The following TSHZ2 variants were observed in gnomAD, a reference collection of about 807,000 sequenced individuals.
TSHZ2 encodes the protein teashirt zinc finger homeobox 2, also known as teashirt homolog 2.
Under a neutral mutation model 74.4 loss-of-function variants are expected in TSHZ2, and 21 were observed. That is an observed-to-expected ratio of 0.28 (90% confidence interval 0.20 to 0.41). TSHZ2 has a LOEUF of 0.41. Among genes scored for constraint, TSHZ2 ranks in the 10% least tolerant of loss-of-function variants. The pLI is 1.00. For synonymous variants in TSHZ2, 540 were observed against 515.3 expected, an observed-to-expected ratio of 1.05 and a Z score of -0.65; for missense variants, 1,244 against 1,293.5, an observed-to-expected ratio of 0.96 and a Z score of 0.59.
intron 1 of TSHZ2, among the ~76,000 whole-genome samples, chr20:53,073,178 ATCCC>A (rs1287152265): frequency 3.4e-5 from 4 of 117,786 alleles, no homozygotes; most frequent in Non-Finnish European, 3.6e-5. Flanking sequence ...TCATCCATCT[ATCCC>A]TCCATCCATC....
chr20:53,292,912 A>T (rs1008286114), intron 2 of TSHZ2, among the ~76,000 whole-genome samples: 3 of 152,230 alleles, frequency 2.0e-5, no homozygotes, highest in African/African-American at 7.2e-5. Context: ...AGTCACATGC[A>T]TCTAACACTA....
At position 53,253,652 on chromosome 20, in the gene TSHZ2, G is replaced by A. The variant is rs1232753538; in HGVS notation, c.194G>A (p.Ser65Asn). 6.2e-7 allele frequency: 1 copy of A among 1,614,064 alleles called. No individual in the cohort carries two copies. Among genetic ancestry groups the A allele is most frequent in the Non-Finnish European group, 8.5e-7 (1 of 1,180,052 alleles). ...ETGPEQKGCF[S>N]YQNSPGSHLS... The stretch of plus-strand genomic sequence containing the variant: ...GGCCCAGAGCAAAAAGGCTGCTTCA[G>A]CTACCAGAACTCTCCAGGAAGTCAT... The change falls in exon 2 of 3, where the codon AGC becomes AAC. Residue 65 changes from serine (S) to asparagine (N), a missense_variant. This residue lies in a region of TSHZ2 where 470 missense variants were observed against 456.5 expected (regional missense o/e 1.03). Coordinates refer to ENST00000371497, the MANE Select transcript of TSHZ2 (RefSeq NM_173485.6).
intron 1 of TSHZ2, among the ~76,000 whole-genome samples, chr20:53,129,094 T>C (rs1197964662): frequency 6.6e-6 from 1 of 152,120 alleles, no homozygotes; most frequent in Non-Finnish European, 1.5e-5. Context: ...TAAAATTATA[T>C]CCAGTGAAAC....
At chr20:53,150,698 G>T (rs1568783735) in intron 1 of TSHZ2, among the ~76,000 whole-genome samples, 1 of 151,344 alleles carries the variant, frequency 6.6e-6, no homozygotes. Flanking sequence ...AAGGAAGGAG[G>T]AGAGGAAGGA....
At chr20:53,070,988 T>C (rs1400285612) in intron 1 of TSHZ2, among the ~76,000 whole-genome samples, 1 of 152,192 alleles carries the variant, frequency 6.6e-6, no homozygotes, top group Non-Finnish European at 1.5e-5. Flanking sequence ...TACTATTTGT[T>C]TGAGGGATGG....
At chr20:53,221,702 C>A (rs766371844) in intron 1 of TSHZ2, among the ~76,000 whole-genome samples, 7 of 152,026 alleles carry the variant, frequency 4.6e-5, no homozygotes, top group Admixed American at 2.0e-4. Flanking sequence ...GCTTTTTTTC[C>A]CCTCCTAAAC....
intron 1 of TSHZ2, among the ~76,000 whole-genome samples, chr20:53,235,144 G>T: frequency 7.5e-6 from 1 of 133,190 alleles, no homozygotes; most frequent in Non-Finnish European, 1.6e-5. Context: ...GGGCGGGGGG[G>T]GGGGAATGGG....
In TSHZ2 at chr20:53,365,580, C is replaced by A. The variant is rs151067386; in HGVS notation, c.*8+109009C>A. On this transcript the variant is annotated intron_variant, in intron 2 of 2. Transcript: ENST00000371497. ...GCCGTTTACGCTAAGAGGTGACCAG[C>A]TAGATGCTGGATCCTGACAAAGCAA... Among the ~76,000 whole-genome samples the A allele has an allele frequency of 2.3e-3, 348 of 152,310 alleles. 7 individuals carry two copies. Among genetic ancestry groups the A allele is most frequent in the Non-Finnish European group, 7.6e-4 (52 of 68,020 alleles).
In TSHZ2 at chr20:53,266,868, C is replaced by G. The variant is rs112271166; in HGVS notation, c.*8+10297C>G. 8.6e-3 allele frequency among the ~76,000 whole-genome samples: 1,307 copies of G among 151,630 alleles called. 27 individuals are homozygous for G. Among genetic ancestry groups the G allele is most frequent in the African/African-American group, 0.03 (1,255 of 41,308 alleles). ...TCTCGGCTCACTGCAACCTTCACCT[C>G]CCAGGTTCAAGCAATTCTCCTGCCT... is the stretch of plus-strand genomic sequence containing the variant. On this transcript the variant is annotated intron_variant, in intron 2 of 2. Transcript: ENST00000371497.
chr20:53,174,278 G>T (rs543195034), intron 1 of TSHZ2, among the ~76,000 whole-genome samples: 3 of 152,200 alleles, frequency 2.0e-5, no homozygotes, highest in Admixed American at 6.5e-5. Flanking sequence ...AATCTATGAA[G>T]AATAAAATCA....
intron 1 of TSHZ2, among the ~76,000 whole-genome samples, chr20:53,042,410 A>G (rs1459567815): frequency 6.6e-6 from 1 of 152,200 alleles, no homozygotes; most frequent in Non-Finnish European, 1.5e-5. Flanking sequence ...AAATCACTTC[A>G]GTGTGCTAGG....
rs113188565 is a variant in TSHZ2 at position 53,104,253 on chromosome 20, G to T, written c.40+130920G>T. ...AAGAAAGCAGGCAGACTGGGGGGTG[G>T]GGGGAAGGTGGGAGGGTTGGACTCA... On this transcript the variant is annotated intron_variant, in intron 1 of 2. Transcript: ENST00000371497. 6.5e-3 allele frequency among the ~76,000 whole-genome samples: 987 copies of T among 152,084 alleles called. 6 individuals carry two copies. Among genetic ancestry groups the T allele is most frequent in the Non-Finnish European group, 0.011 (727 of 67,976 alleles).
intron 2 of TSHZ2, among the ~76,000 whole-genome samples, chr20:53,353,119 T>A (rs186845798): frequency 6.6e-6 from 1 of 152,282 alleles, no homozygotes; most frequent in African/African-American, 2.4e-5. Context: ...TTAAAAATCA[T>A]CTATAGTCTC....
chr20:53,114,897 T>C (rs1425846230), intron 1 of TSHZ2, among the ~76,000 whole-genome samples: 2 of 152,164 alleles, frequency 1.3e-5, no homozygotes, highest in African/African-American at 4.8e-5. Context: ...ATGTTTTAAA[T>C]TGTGCCCACC....
At chr20:53,229,321 G>A (rs1989763926) in intron 1 of TSHZ2, among the ~76,000 whole-genome samples, 1 of 152,096 alleles carries the variant, frequency 6.6e-6, no homozygotes, top group African/African-American at 2.4e-5. Context: ...GGGTCACTTA[G>A]TACAACTTTT....
At chr20:53,482,108 TAAAAAAAAAAA>T (rs570413572) in intron 2 of TSHZ2, among the ~76,000 whole-genome samples, 2 of 74,330 alleles carry the variant, frequency 2.7e-5, no homozygotes, top group South Asian at 1.1e-3. Flanking sequence ...CTCCATCTCA[TAAAAAAAAAAA>T]AAAAAAAAAA....
At chr20:53,309,842 C>T (rs1313952765) in intron 2 of TSHZ2, among the ~76,000 whole-genome samples, 1 of 152,140 alleles carries the variant, frequency 6.6e-6, no homozygotes, top group Admixed American at 6.5e-5. Flanking sequence ...CTTTAGTGTG[C>T]TCTGTGTAAC....
chr20:53,156,440 C>T (rs1239501101), intron 1 of TSHZ2, among the ~76,000 whole-genome samples: 1 of 152,188 alleles, frequency 6.6e-6, no homozygotes, highest in East Asian at 1.9e-4. Context: ...CTTTTACATT[C>T]AAGTCACACA....
rs145172538 is a variant in TSHZ2 at position 53,254,105 on chromosome 20, G to A, written c.647G>A (p.Arg216Gln). 173 of 1,614,118 alleles carry A rather than the reference G, an allele frequency of 1.1e-4. 1 individual carries two copies. The African/African-American group carries it at 1.9e-3, about 17-fold the overall frequency. Residue 216 changes from arginine (R) to glutamine (Q), a missense_variant, in exon 2 of 3, where the codon CGA becomes CAA. By Grantham distance (43) the Arg-to-Gln change is conservative. Transcript: ENST00000371497. ...GTGTTCACAGGGGCCAGCAGATTCC[G>A]ATGCCGACAGTGCAGCGCGGCCTAT... is the stretch of plus-strand genomic sequence containing the variant. ...GTVFTGASRF[R>Q]CRQCSAAYDT...
Sources: allele counts gnomAD v4.1 joint callset (sites outside exome capture counted in the v4.1 genomes callset), GRCh38; gene constraint gnomAD v4.1.1; regional missense constraint gnomAD v4.1.1; transcripts MANE v1.5; gene names NCBI Gene and HGNC (gene_info 2026-07-23, HGNC 2026-07-21).